The following MACROD2 variants were observed in gnomAD, a reference collection of about 807,000 sequenced individuals.
The protein encoded by MACROD2 is ADP-ribose glycohydrolase MACROD2.
Under a neutral mutation model 70.4 loss-of-function variants are expected in MACROD2, and 36 were observed. The observed-to-expected ratio is 0.51, with a 90% CI of 0.39 to 0.68. MACROD2 has a LOEUF of 0.68. Ranked by LOEUF, MACROD2 falls within the 30% of genes least tolerant of loss-of-function variation. MACROD2 has a pLI of 0.00. For synonymous variants in MACROD2, 172 were observed against 178.8 expected, an observed-to-expected ratio of 0.96 and a Z score of 0.30; for missense variants, 496 against 538.4, an observed-to-expected ratio of 0.92 and a Z score of 0.78.
intron 3 of MACROD2, among the ~76,000 whole-genome samples, chr20:14,442,463 G>A (rs1056209376): frequency 3.3e-4 from 50 of 152,064 alleles, no homozygotes; most frequent in Admixed American, 2.8e-3. Flanking sequence ...TCATTAGCTG[G>A]AAGCTACAGA....
At chr20:14,010,897 C>T (rs2052894224) in intron 2 of MACROD2, among the ~76,000 whole-genome samples, 1 of 152,150 alleles carries the variant, frequency 6.6e-6, no homozygotes, top group Non-Finnish European at 1.5e-5. Context: ...AAGTTTTCTC[C>T]AGCATGAATA....
chr20:15,203,253 G>A (rs1055367745), intron 5 of MACROD2, among the ~76,000 whole-genome samples: 6 of 152,120 alleles, frequency 3.9e-5, no homozygotes, highest in African/African-American at 1.4e-4. Context: ...AGACGGACAA[G>A]ACAAGAGACA....
intron 8 of MACROD2, among the ~76,000 whole-genome samples, chr20:15,667,470 T>C (rs909801325): frequency 2.7e-5 from 4 of 147,128 alleles, no homozygotes; most frequent in African/African-American, 9.9e-5. Flanking sequence ...ACACTATCTA[T>C]GTATCTATGT....
intron 3 of MACROD2, among the ~76,000 whole-genome samples, chr20:14,145,210 T>A (rs1292463904): frequency 6.6e-6 from 1 of 152,226 alleles, no homozygotes; most frequent in Admixed American, 6.5e-5. Flanking sequence ...ATAGATTTGT[T>A]TCACCACAGT....
At chr20:14,315,754 T>C (rs2082607298) in intron 3 of MACROD2, among the ~76,000 whole-genome samples, 1 of 152,172 alleles carries the variant, frequency 6.6e-6, no homozygotes, top group South Asian at 2.1e-4. Context: ...CTTAAAAAAT[T>C]GTATTGTTTT....
At chr20:14,037,119 A>C (rs2053322470) in intron 2 of MACROD2, among the ~76,000 whole-genome samples, 1 of 152,200 alleles carries the variant, frequency 6.6e-6, no homozygotes, top group African/African-American at 2.4e-5. Context: ...TTTTATTTTA[A>C]AGGGTATTAT....
intron 2 of MACROD2, among the ~76,000 whole-genome samples, chr20:14,071,345 C>G (rs1601186570): frequency 7.2e-6 from 1 of 138,036 alleles, no homozygotes; most frequent in African/African-American, 2.6e-5. Flanking sequence ...ACTGCAAGCT[C>G]CGCCTCCCGG....
intron 5 of MACROD2, among the ~76,000 whole-genome samples, chr20:14,801,314 G>C (rs2072572803): frequency 6.6e-6 from 1 of 152,076 alleles, no homozygotes; most frequent in African/African-American, 2.4e-5. Flanking sequence ...AATGACCCAA[G>C]CCTCAGTCCC....
chr20:15,727,139 T>A (rs982346246), intron 8 of MACROD2, among the ~76,000 whole-genome samples: 6 of 152,066 alleles, frequency 3.9e-5, no homozygotes, highest in African/African-American at 1.4e-4. Flanking sequence ...AAGGAAGGAG[T>A]TCAGTTTCAA....
At chr20:14,153,290 T>C (rs1023544194) in intron 3 of MACROD2, among the ~76,000 whole-genome samples, 2 of 152,304 alleles carry the variant, frequency 1.3e-5, no homozygotes, top group East Asian at 3.9e-4. Context: ...CAGGAGTATA[T>C]ATAGAGAAAA....
At chr20:14,169,120 T>A (rs369400477) in intron 3 of MACROD2, among the ~76,000 whole-genome samples, 2 of 152,156 alleles carry the variant, frequency 1.3e-5, no homozygotes, top group Non-Finnish European at 1.5e-5. Flanking sequence ...ATCATCTCAA[T>A]AGAAGCAGAA....
chr20:15,194,536 C>G (rs1437020647), intron 5 of MACROD2, among the ~76,000 whole-genome samples: 1 of 152,032 alleles, frequency 6.6e-6, no homozygotes, highest in Non-Finnish European at 1.5e-5. Context: ...TGAAATCTAT[C>G]TTTACCATGT....
At chr20:14,030,015 T>C (rs2053227078) in intron 2 of MACROD2, among the ~76,000 whole-genome samples, 1 of 152,188 alleles carries the variant, frequency 6.6e-6, no homozygotes, top group South Asian at 2.1e-4. Flanking sequence ...GAAATAGTAC[T>C]TTTTTTCCTT....
chr20:14,045,051 GC>G (rs1361181548), intron 2 of MACROD2, among the ~76,000 whole-genome samples: 2 of 152,220 alleles, frequency 1.3e-5, no homozygotes, highest in Admixed American at 1.3e-4. Flanking sequence ...ACTGCCTGGG[GC>G]TTGCGGGCCG....
intron 4 of MACROD2, among the ~76,000 whole-genome samples, chr20:14,550,572 A>G (rs1239801624): frequency 2.0e-5 from 3 of 152,150 alleles, no homozygotes; most frequent in Non-Finnish European, 4.4e-5. Flanking sequence ...TTGAACTTAG[A>G]CGTTCCTACC....
At chr20:15,648,085 C>T (rs890437273) in intron 8 of MACROD2, among the ~76,000 whole-genome samples, 5 of 152,086 alleles carry the variant, frequency 3.3e-5, no homozygotes, top group Non-Finnish European at 7.4e-5. Flanking sequence ...AGATTGTTCT[C>T]AAAACACTGT....
intron 4 of MACROD2, among the ~76,000 whole-genome samples, chr20:14,501,917 G>A (rs978780427): frequency 6.6e-6 from 1 of 152,154 alleles, no homozygotes. Flanking sequence ...ACAGGTGCCA[G>A]GATATGTCTA....
chr20:15,267,903 G>GTTTT (rs2077310942), intron 6 of MACROD2, among the ~76,000 whole-genome samples: 1 of 152,140 alleles, frequency 6.6e-6, no homozygotes. Context: ...TTTGCTGAGA[G>GTTTT]TTTTGTTTGT....
At chr20:15,086,047 G>A (rs1023584925) in intron 5 of MACROD2, among the ~76,000 whole-genome samples, 2 of 151,932 alleles carry the variant, frequency 1.3e-5, no homozygotes. Flanking sequence ...TTAGAACCTC[G>A]CTCTGGTGAG....
Sources: allele counts gnomAD v4.1 joint callset (sites outside exome capture counted in the v4.1 genomes callset), GRCh38; gene constraint gnomAD v4.1.1; transcripts MANE v1.5; gene names NCBI Gene and HGNC (gene_info 2026-07-23, HGNC 2026-07-21).